LRRK2: variants seen among roughly 807,000 people sequenced by gnomAD.
The protein encoded by LRRK2 is leucine-rich repeat serine/threonine-protein kinase 2.
LRRK2 carries 203 observed loss-of-function variants against 302.6 expected under a neutral mutation model. That is an observed-to-expected ratio of 0.67 (90% CI 0.60 to 0.75). LRRK2 has a LOEUF of 0.75. LRRK2 is among the 30% of genes least tolerant of loss of function. The probability of loss-of-function intolerance (pLI) is 0.00; values close to 1 mark genes in which losing one functional copy is unlikely to be tolerated. For synonymous variants in LRRK2, 1,066 were observed against 1,031.9 expected, an observed-to-expected ratio of 1.03 and a Z score of -0.63; for missense variants, 2,830 against 2,951.0, an observed-to-expected ratio of 0.96 and a Z score of 0.95.
chr12:40,363,646 T>G, intron 48 of LRRK2, 92 bp downstream of exon 48: 2 of 1,390,712 alleles, frequency 1.4e-6, no homozygotes, highest in South Asian at 1.3e-5. Context: ...TTTCTGCCTC[T>G]GAATAGAGAA....
Position 40,232,333 on chromosome 12 carries a change from A to G in LRRK2, c.297A>G (p.Leu99=), listed in dbSNP as rs1941239923. The change falls in exon 3 of 51, where the codon TTA becomes TTG. Residue 99 remains leucine (L), a synonymous_variant. Transcript: ENST00000298910. The stretch of plus-strand genomic sequence containing the variant: ...TCTGTCCAGGTACAATGCAAAGCTT[A>G]ATGGGACCCCAGGATGTTGGAAATG... ...IEVCPGTMQS[L]MGPQDVGNDW... 1 of 1,614,156 alleles carries G rather than the reference A, an allele frequency of 6.2e-7. No homozygotes were observed. The highest frequency in any genetic ancestry group is 2.2e-5 in the East Asian group (1 of 44,868).
chr12:40,356,140 G>A lies in LRRK2; in HGVS notation c.6796G>A (p.Gly2266Arg), dbSNP rs769546832. The A allele has an allele frequency of 1.9e-6, 3 of 1,612,224 alleles. No homozygotes were observed. The South Asian group carries it at 3.3e-5, about 18-fold the overall frequency. Residue 2266 changes from glycine to arginine, a missense_variant, in exon 46 of 51, where the codon GGA becomes AGA. Transcript: ENST00000298910. ...QSKQKNFLLVGTADGKLAIFE... is the reference protein window; with the variant it reads ...QSKQKNFLLVRTADGKLAIFE... Reference sequence around the variant, plus strand: ...CAAACAAAAAAATTTTCTTTTGGTTGGAACCGCTGATGGCAAGTTAGCAAT... The same window carrying A: ...CAAACAAAAAAATTTTCTTTTGGTTAGAACCGCTGATGGCAAGTTAGCAAT...
At chr12:40,290,192 C>G (rs1235221376) in intron 20 of LRRK2, among the ~76,000 whole-genome samples, 1 of 151,836 alleles carries the variant, frequency 6.6e-6, no homozygotes, top group African/African-American at 2.4e-5. Context: ...ATATTTTTCA[C>G]CTTTATTTTG....
chr12:40,367,050 A>G lies in LRRK2; in HGVS notation c.7435A>G (p.Asn2479Asp), dbSNP rs55633591. 6.2e-7 allele frequency: 1 copy of G among 1,609,636 alleles called. No homozygotes were observed. Among genetic ancestry groups the G allele is most frequent in the Admixed American group, 1.7e-5 (1 of 59,706 alleles). The change falls in exon 50 of 51, where the codon AAT (asparagine) becomes GAT (aspartate). Residue 2479 changes from asparagine to aspartate, a missense_variant. Transcript: ENST00000298910. ...GCTGGTATTGGGCTACAACCGGAAA[A>G]ATACTGAAGGTACACAAAAGCAGAA... ...VMLVLGYNRKNTEGTQKQKEI... is the reference protein window; with the variant it reads ...VMLVLGYNRKDTEGTQKQKEI...
intron 19 of LRRK2, chr12:40,286,220 A>G (rs1943920682): frequency 6.6e-6 from 1 of 152,080 alleles, no homozygotes; most frequent in African/African-American, 2.4e-5. Flanking sequence ...TGAGTAAAGA[A>G]CACTTTGGGT....
intron 28 of LRRK2, among the ~76,000 whole-genome samples, chr12:40,308,178 C>T (rs549862648): frequency 7.2e-5 from 11 of 152,118 alleles, no homozygotes; most frequent in African/African-American, 1.9e-4. Flanking sequence ...TATTGCATAT[C>T]GTATTCTAAT....
At chr12:40,339,148 T>C (rs1337549815) in intron 40 of LRRK2, among the ~76,000 whole-genome samples, 1 of 152,156 alleles carries the variant, frequency 6.6e-6, no homozygotes. Context: ...TTCTAATCCT[T>C]CCAGAAGTGA....
chr12:40,305,400 G>A (rs559420091), intron 27 of LRRK2, among the ~76,000 whole-genome samples: 1 of 152,242 alleles, frequency 6.6e-6, no homozygotes, highest in East Asian at 1.9e-4. Context: ...ATGCAGGTTT[G>A]TAGTGACTAG....
chr12:40,317,940 T>C (rs1310048104), intron 33 of LRRK2, among the ~76,000 whole-genome samples: 3 of 152,080 alleles, frequency 2.0e-5, no homozygotes, highest in African/African-American at 7.2e-5. Context: ...TTGGCAAGGG[T>C]TATTCACTTG....
chr12:40,250,031 A>T, intron 8 of LRRK2, 86 bp downstream of exon 8: 2 of 1,526,438 alleles, frequency 1.3e-6, no homozygotes, highest in Non-Finnish European at 1.8e-6. Context: ...ATATGTACAG[A>T]TGGAAGCATT....
At chr12:40,286,930 T>C (rs150938618) in intron 19 of LRRK2, among the ~76,000 whole-genome samples, 2 of 152,204 alleles carry the variant, frequency 1.3e-5, no homozygotes, top group African/African-American at 2.4e-5. Context: ...CTAAACATTT[T>C]ATATGCATCA....
At chr12:40,235,529 G>A (rs773467582) in intron 3 of LRRK2, 97 bp from the exon 4 acceptor site, 4 of 762,360 alleles carry the variant, frequency 5.2e-6, no homozygotes, top group Non-Finnish European at 7.0e-6. Context: ...TAAATACAAT[G>A]AGAGTAATAA....
At chr12:40,252,559 A>G (rs1015465324) in intron 10 of LRRK2, among the ~76,000 whole-genome samples, 3 of 152,156 alleles carry the variant, frequency 2.0e-5, no homozygotes, top group Non-Finnish European at 4.4e-5. Flanking sequence ...TACGTTATAC[A>G]TCTTTAAAAC....
intron 14 of LRRK2, among the ~76,000 whole-genome samples, chr12:40,269,591 A>G (rs1943151975): frequency 1.3e-5 from 2 of 152,188 alleles, no homozygotes; most frequent in Non-Finnish European, 2.9e-5. Flanking sequence ...GAGAATTGTT[A>G]CTGCAGCTTA....
Position 40,314,034 on chromosome 12 carries a change from C to T in LRRK2, c.4599C>T (p.Ile1533=), listed in dbSNP as rs767288708. The T allele has an allele frequency of 1.9e-6, 3 of 1,612,268 alleles. No individual in the cohort carries two copies. Among genetic ancestry groups the T allele is most frequent in the African/African-American group, 2.7e-5 (2 of 74,784 alleles). Residue 1533 remains isoleucine, a synonymous_variant, in exon 32 of 51, where the codon ATC becomes ATT. Coordinates refer to ENST00000298910, the MANE Select transcript of LRRK2 (RefSeq NM_198578.4). ...IPDCYVELEK[I]ILSERKNVPI... Reference sequence around the variant, plus strand: ...ACTGCTATGTAGAACTTGAAAAAATCATTTTATCGGAGCGTAAAAATGTGC... The same window carrying T: ...ACTGCTATGTAGAACTTGAAAAAATTATTTTATCGGAGCGTAAAAATGTGC...
chr12:40,226,830 G>GTCA (rs1356581065), intron 2 of LRRK2, among the ~76,000 whole-genome samples: 1 of 152,086 alleles, frequency 6.6e-6, no homozygotes, highest in Non-Finnish European at 1.5e-5. Context: ...CTGCACCCAC[G>GTCA]TCATCCCTTC....
In LRRK2 at chr12:40,338,459, G is replaced by A. The variant is rs143152580; in HGVS notation, c.5949-1835G>A. Among the ~76,000 whole-genome samples the A allele has an allele frequency of 1.5e-3, 225 of 152,300 alleles. 1 individual carries two copies. In the East Asian group the frequency reaches 0.033, roughly 22 times the overall value. On this transcript the variant is annotated intron_variant, in intron 40 of 50. Transcript: ENST00000298910. The stretch of plus-strand genomic sequence containing the variant: ...CAATAATCACAATCAAAGAATGACT[G>A]TTTAACTTAATATAAACCAGTTTGT...
chr12:40,262,963 C>T (rs1428411460), intron 13 of LRRK2, among the ~76,000 whole-genome samples: 2 of 152,160 alleles, frequency 1.3e-5, no homozygotes, highest in Non-Finnish European at 2.9e-5. Context: ...ATCAAGGCTG[C>T]CTTCCTTACC....
chr12:40,274,513 C>T, intron 14 of LRRK2, 70 bp from the exon 15 acceptor site: 1 of 1,514,546 alleles, frequency 6.6e-7, no homozygotes, highest in East Asian at 2.3e-5. Context: ...TTTTGTCAGT[C>T]TATAACTGGT....
Sources: allele counts gnomAD v4.1 joint callset (sites outside exome capture counted in the v4.1 genomes callset), GRCh38; gene constraint gnomAD v4.1.1; transcripts MANE v1.5; gene names NCBI Gene and HGNC (gene_info 2026-07-23, HGNC 2026-07-21).